PCDHGA8: variants seen among roughly 807,000 people sequenced by gnomAD.
PCDHGA8 encodes the protein protocadherin gamma subfamily A, 8.
A neutral mutation model predicts 59.2 loss-of-function variants in PCDHGA8; 45 were observed. That is an observed-to-expected ratio of 0.76 (90% CI 0.60 to 0.98). The LOEUF is 0.98. PCDHGA8 is among the 50% of genes least tolerant of loss of function. The pLI is 0.00. For synonymous variants in PCDHGA8, 531 were observed against 519.0 expected (o/e 1.02, Z -0.32); for missense variants, 1,257 against 1,196.2 (o/e 1.05, Z -0.75).
chr5:141,399,109 A>G (rs1346301996), intron 1 of PCDHGA8: 4 of 1,613,714 alleles, frequency 2.5e-6, no homozygotes, highest in Admixed American at 3.3e-5. Context: ...TGCACAATGT[A>G]CAGTTGAAAT....
chr5:141,402,872 T>A, intron 1 of PCDHGA8: 1 of 1,455,372 alleles, frequency 6.9e-7, no homozygotes, highest in Non-Finnish European at 9.1e-7. Flanking sequence ...AAGATCACCA[T>A]ACTTTGCAGG....
At chr5:141,494,064 G>T (rs1233070772) in intron 1 of PCDHGA8, among the ~76,000 whole-genome samples, 2 of 152,160 alleles carry the variant, frequency 1.3e-5, no homozygotes, top group South Asian at 2.1e-4. Flanking sequence ...TGTGGGAGCT[G>T]GATCCCTCCC....
chr5:141,410,623 G>A (rs2154543147), intron 1 of PCDHGA8: 1 of 1,603,052 alleles, frequency 6.2e-7, no homozygotes, highest in Non-Finnish European at 8.5e-7. Flanking sequence ...TGACTTCGGT[G>A]AGTTTCTCTT....
chr5:141,408,185 C>G, intron 1 of PCDHGA8: 1 of 1,540,440 alleles, frequency 6.5e-7, no homozygotes, highest in Non-Finnish European at 8.8e-7. Context: ...GGGGACCCAG[C>G]GAGAACCCGA....
At position 141,431,433 on chromosome 5, in the gene PCDHGA8, C is replaced by T; in HGVS notation, c.2424+36196C>T. ...GGGGGCGACCCGGTGCGCACAGGCA[C>T]CGCGCGCATCCGCGTGATGGTTCTG... On this transcript the variant is annotated intron_variant, in intron 1 of 3. Transcript: ENST00000398604. This position sits in a 1 kb window ranked among gnomAD's most constrained non-coding sequence, Gnocchi z 4.8. 1.9e-6 allele frequency: 3 copies of T among 1,613,716 alleles called. No homozygotes were observed. The highest frequency in any genetic ancestry group is 2.5e-6 in the Non-Finnish European group (3 of 1,180,028).
Position 141,432,492 on chromosome 5 carries a change from C to A in PCDHGA8, c.2424+37255C>A. On this transcript the variant is annotated intron_variant, in intron 1 of 3. Transcript: ENST00000398604. The surrounding 1 kb of genome is among the most constrained non-coding windows in gnomAD (Gnocchi z 6.0). ...GACGGTTCCACTGGCGTGGAGCTGG[C>A]TCCCCGCTCCGCAGAGCCCGGCTAC... 6.2e-7 allele frequency: 1 copy of A among 1,614,168 alleles called. No individual in the cohort carries two copies. Among genetic ancestry groups the A allele is most frequent in the Admixed American group, 1.7e-5 (1 of 60,034 alleles).
At chr5:141,492,962 C>A (rs1197532146) in intron 1 of PCDHGA8, among the ~76,000 whole-genome samples, 2 of 152,258 alleles carry the variant, frequency 1.3e-5, no homozygotes, top group African/African-American at 2.4e-5. Flanking sequence ...CTATCTGACA[C>A]TCTAACAAGT....
At chr5:141,427,411 A>C (rs1256606726) in intron 1 of PCDHGA8, 2 of 464,124 alleles carry the variant, frequency 4.3e-6, no homozygotes, top group Admixed American at 2.3e-5. Flanking sequence ...GATTCGAGAG[A>C]AAATGGGGAG....
Position 141,438,591 on chromosome 5 carries a change from C to CAT in PCDHGA8, c.2424+43398_2424+43399dup, listed in dbSNP as rs946798767. On this transcript the variant is annotated intron_variant, in intron 1 of 3. Coordinates refer to ENST00000398604, the MANE Select transcript of PCDHGA8 (RefSeq NM_032088.2). ...TCTGATATACATACATACATACATA[C>CAT]ATATATATATATATATATATATATA... Among the ~76,000 whole-genome samples the CAT allele has an allele frequency of 6.3e-3, 476 of 75,268 alleles. 1 individual carries two copies. The highest frequency in any genetic ancestry group is 9.5e-3 in the Non-Finnish European group (352 of 37,106). 49.4% of individuals were successfully genotyped at this position (75,268 alleles called of 152,430 possible). A position where few individuals can be genotyped will look rare whatever the true frequency, so the allele number is the denominator to read the frequency against.
chr5:141,491,047 G>A lies in PCDHGA8; in HGVS notation c.2425-3760G>A, dbSNP rs751761240. On this transcript the variant is annotated intron_variant, in intron 1 of 3. Coordinates refer to ENST00000398604, the MANE Select transcript of PCDHGA8 (RefSeq NM_032088.2). The surrounding 1 kb of genome is among the most constrained non-coding windows in gnomAD (Gnocchi z 6.9). Reference sequence around the variant, plus strand: ...CGTGGATGCTGATGCAGGCCACAATGCGTGGCTCTCCTACTCACTGTTGCC... The same window carrying A: ...CGTGGATGCTGATGCAGGCCACAATACGTGGCTCTCCTACTCACTGTTGCC... 4 of 1,614,054 alleles carry A rather than the reference G, an allele frequency of 2.5e-6. No homozygotes were observed. Among genetic ancestry groups the A allele is most frequent in the Non-Finnish European group, 3.4e-6 (4 of 1,180,034 alleles).
chr5:141,499,763 T>C (rs2099794343), intron 2 of PCDHGA8, among the ~76,000 whole-genome samples: 1 of 148,434 alleles, frequency 6.7e-6, no homozygotes, highest in African/African-American at 2.5e-5. Flanking sequence ...CTCAGCTCAC[T>C]GCAGCCTTCG....
Position 141,423,257 on chromosome 5 carries a change from G to T in PCDHGA8, c.2424+28020G>T, listed in dbSNP as rs1412429501. ...ATCCCCGAAGTCCTGGCGGACCTCG[G>T]CAGCCTCGAGTCTCTGGCTAACTCT... On this transcript the variant is annotated intron_variant, in intron 1 of 3. Transcript: ENST00000398604. The T allele has an allele frequency of 8.7e-6, 14 of 1,613,946 alleles. No individual in the cohort carries two copies. The highest frequency in any genetic ancestry group is 1.3e-5 in the African/African-American group (1 of 75,060).
At chr5:141,427,573 T>C in intron 1 of PCDHGA8, 1 of 667,160 alleles carries the variant, frequency 1.5e-6, no homozygotes, top group Non-Finnish European at 2.8e-6. Context: ...AAGCCTCCGC[T>C]CTCATCCAGC....
intron 1 of PCDHGA8, among the ~76,000 whole-genome samples, chr5:141,469,731 C>A (rs1332201791): frequency 6.6e-6 from 1 of 152,214 alleles, no homozygotes; most frequent in Non-Finnish European, 1.5e-5. Context: ...ATCATAAATA[C>A]ACACCTCAAA....
intron 1 of PCDHGA8, among the ~76,000 whole-genome samples, chr5:141,454,796 ATTTTTTTTTTTTTT>A (rs61612330): frequency 5.2e-5 from 4 of 77,408 alleles, no homozygotes; most frequent in Non-Finnish European, 9.3e-5. Flanking sequence ...CATGGTTCTA[ATTTTTTTTTTTTTT>A]TTTTTTTTTT....
rs1387152450 is a variant in PCDHGA8 at position 141,487,754 on chromosome 5, G to A, written c.2425-7053G>A. The A allele has an allele frequency of 1.3e-6, 2 of 1,552,036 alleles. No individual in the cohort carries two copies. Among genetic ancestry groups the A allele is most frequent in the Admixed American group, 3.9e-5 (2 of 50,970 alleles). ...CATTTTTGTAAGAGGTAACTATGTG[G>A]TAGACGCTGTGCTTTGTAACTGTTT... On this transcript the variant is annotated intron_variant, in intron 1 of 3. Transcript: ENST00000398604. This position sits in a 1 kb window ranked among gnomAD's most constrained non-coding sequence, Gnocchi z 5.0.
At chr5:141,499,287 C>T (rs896428388) in intron 2 of PCDHGA8, among the ~76,000 whole-genome samples, 3 of 152,184 alleles carry the variant, frequency 2.0e-5, no homozygotes, top group Non-Finnish European at 2.9e-5. Context: ...CTGATGGCTC[C>T]ACACTACCAT....
At chr5:141,456,731 G>A (rs1282690673) in intron 1 of PCDHGA8, among the ~76,000 whole-genome samples, 1 of 152,214 alleles carries the variant, frequency 6.6e-6, no homozygotes, top group Non-Finnish European at 1.5e-5. Flanking sequence ...TTGGGAGGCT[G>A]AGGCGGGAGC....
intron 1 of PCDHGA8, chr5:141,433,239 G>A: frequency 1.3e-6 from 2 of 1,494,126 alleles, no homozygotes; most frequent in Non-Finnish European, 1.8e-6. Context: ...TGTCTCCCAA[G>A]CTGGAATGCA....
Sources: gnomAD v4.1 joint callset for allele counts (sites outside exome capture counted in the v4.1 genomes callset) on GRCh38, gnomAD v4.1.1 for gene constraint, Gnocchi (gnomAD v3.1) non-coding constraint, MANE v1.5 for transcripts, NCBI Gene and HGNC (gene_info 2026-07-23, HGNC 2026-07-21) for gene names.